The following PRKN variants were observed in gnomAD, a reference collection of about 807,000 sequenced individuals.
PRKN encodes the protein E3 ubiquitin-protein ligase parkin.
PRKN carries 56 observed loss-of-function variants against 59.5 expected under a neutral mutation model. The observed-to-expected ratio is 0.94, with a 90% CI of 0.76 to 1.18. The LOEUF (loss-of-function observed/expected upper bound fraction) is 1.18, where lower values mean the gene tolerates loss of function less well. PRKN is among the 50% of genes most tolerant of loss of function. The pLI is 0.00. For missense variants in PRKN, 657 were observed against 596.4 expected (o/e 1.10, Z -1.06); for synonymous variants, 250 against 222.1 (o/e 1.13, Z -1.12).
At chr6:161,612,718 C>CAAA (rs57084261) in intron 7 of PRKN, among the ~76,000 whole-genome samples, 66 of 59,432 alleles carry the variant, frequency 1.1e-3, no homozygotes, top group Middle Eastern at 9.3e-3. Context: ...GACTCCATCT[C>CAAA]AAAAAAAAAA....
intron 7 of PRKN, among the ~76,000 whole-genome samples, chr6:161,670,263 T>G (rs1021754325): frequency 1.3e-5 from 2 of 152,112 alleles, no homozygotes; most frequent in African/African-American, 4.8e-5. Context: ...GGGACGTGAT[T>G]AGCTTTGTGG....
chr6:162,168,556 C>CAAAAAAAAAAAA (rs771060815), intron 4 of PRKN, among the ~76,000 whole-genome samples: 1 of 47,316 alleles, frequency 2.1e-5, no homozygotes, highest in Admixed American at 3.4e-4. Flanking sequence ...ATCTGTTTTA[C>CAAAAAAAAAAAA]AAAAAAAAAA....
intron 5 of PRKN, among the ~76,000 whole-genome samples, chr6:161,999,731 G>GA (rs2128262199): frequency 6.6e-6 from 1 of 152,184 alleles, no homozygotes; most frequent in African/African-American, 2.4e-5. Context: ...ACCAAAACAT[G>GA]AATGTGGGAA....
chr6:161,948,650 A>C (rs1004515084), intron 6 of PRKN, among the ~76,000 whole-genome samples: 9 of 152,204 alleles, frequency 5.9e-5, no homozygotes, highest in Non-Finnish European at 1.3e-4. Context: ...AGTCAGCTGC[A>C]TGAAAAAATG....
At chr6:162,155,544 C>G (rs189414870) in intron 4 of PRKN, among the ~76,000 whole-genome samples, 2 of 152,028 alleles carry the variant, frequency 1.3e-5, no homozygotes, top group Non-Finnish European at 2.9e-5. Context: ...AGAACTAACA[C>G]TGAATTTCAG....
chr6:162,561,592 C>A (rs917505024), intron 1 of PRKN, among the ~76,000 whole-genome samples: 1 of 152,142 alleles, frequency 6.6e-6, no homozygotes, highest in Non-Finnish European at 1.5e-5. Flanking sequence ...AAAAAAAACC[C>A]GTCCTGAATC....
At chr6:162,677,205 T>C (rs1052472395) in intron 1 of PRKN, among the ~76,000 whole-genome samples, 3 of 150,844 alleles carry the variant, frequency 2.0e-5, no homozygotes, top group African/African-American at 7.3e-5. Context: ...AGCAGCCACA[T>C]GAAGGCATCA....
intron 5 of PRKN, among the ~76,000 whole-genome samples, chr6:162,052,053 G>A (rs1582958677): frequency 6.6e-6 from 1 of 152,202 alleles, no homozygotes; most frequent in Non-Finnish European, 1.5e-5. Flanking sequence ...GATCGGGCAC[G>A]TTCAGGGTGG....
intron 7 of PRKN, among the ~76,000 whole-genome samples, chr6:161,678,568 A>AATTT (rs562536578): frequency 1.8e-4 from 22 of 121,422 alleles, no homozygotes; most frequent in South Asian, 5.1e-4. Context: ...TTGGTGCCTG[A>AATTT]TTTTTTTTTT....
intron 2 of PRKN, among the ~76,000 whole-genome samples, chr6:162,429,022 C>A (rs1408091369): frequency 6.6e-6 from 1 of 152,160 alleles, no homozygotes; most frequent in Non-Finnish European, 1.5e-5. Flanking sequence ...TATTTTAATT[C>A]TTTCCAAGCA....
chr6:162,158,776 C>G lies in PRKN; in HGVS notation c.534+42355G>C, dbSNP rs145984377. ...CTTCCTATTCCTTTCTTTCCTCCTC[C>G]CGCCTTCATCCAACACGGTTTGTGG... is the stretch of plus-strand genomic sequence containing the variant. On this transcript the variant is annotated intron_variant, in intron 4 of 11. Coordinates refer to ENST00000366898, the MANE Select transcript of PRKN (RefSeq NM_004562.3). Among the ~76,000 whole-genome samples, 144 of 152,072 alleles carry G rather than the reference C, an allele frequency of 9.5e-4. 1 individual carries two copies. The East Asian group carries it at 0.022, about 23-fold the overall frequency.
chr6:162,461,756 G>C (rs1163751193), intron 1 of PRKN, among the ~76,000 whole-genome samples: 1 of 151,594 alleles, frequency 6.6e-6, no homozygotes, highest in Non-Finnish European at 1.5e-5. Context: ...AACTTGGGAG[G>C]TGGAGGTTGC....
chr6:161,806,753 A>AT (rs1192584842), intron 6 of PRKN, among the ~76,000 whole-genome samples: 3 of 152,232 alleles, frequency 2.0e-5, no homozygotes, highest in Non-Finnish European at 4.4e-5. Flanking sequence ...TGGTATTTGA[A>AT]TGTGCATTGG....
chr6:162,419,182 T>C (rs1418311593), intron 2 of PRKN, among the ~76,000 whole-genome samples: 1 of 152,144 alleles, frequency 6.6e-6, no homozygotes, highest in Non-Finnish European at 1.5e-5. Context: ...ACTATGTCTG[T>C]GACTTCTAGT....
intron 7 of PRKN, among the ~76,000 whole-genome samples, chr6:161,703,833 CTCTCTCTTTTTTTTTTTT>C (rs1562619646): frequency 3.1e-5 from 4 of 127,580 alleles, no homozygotes; most frequent in African/African-American, 1.3e-4. Context: ...CTCTCTCTCT[CTCTCTCTTTTTTTTTTTT>C]TTTTTTTTTT....
chr6:161,674,123 AG>A (rs1167060645), intron 7 of PRKN, among the ~76,000 whole-genome samples: 1 of 152,110 alleles, frequency 6.6e-6, no homozygotes, highest in African/African-American at 2.4e-5. Flanking sequence ...AAGGGGGAGA[AG>A]GGGTCTAAGA....
At chr6:161,994,665 C>T (rs113590705) in intron 5 of PRKN, among the ~76,000 whole-genome samples, 102 of 151,808 alleles carry the variant, frequency 6.7e-4, no homozygotes, top group African/African-American at 2.4e-3. Context: ...TTTCTCTATA[C>T]CAATAACAAA....
chr6:161,427,437 C>T (rs1788422227), intron 9 of PRKN, among the ~76,000 whole-genome samples: 1 of 152,120 alleles, frequency 6.6e-6, no homozygotes, highest in African/African-American at 2.4e-5. Flanking sequence ...TCAAGCCCAC[C>T]AGCTCGTAAA....
intron 2 of PRKN, among the ~76,000 whole-genome samples, chr6:162,413,378 A>G (rs2128155659): frequency 6.6e-6 from 1 of 152,292 alleles, no homozygotes; most frequent in South Asian, 2.1e-4. Flanking sequence ...TTGTGTAGCT[A>G]TGCAGGGGGA....
Sources: gnomAD v4.1 joint callset for allele counts (sites outside exome capture counted in the v4.1 genomes callset) on GRCh38, gnomAD v4.1.1 for gene constraint, MANE v1.5 for transcripts, NCBI Gene and HGNC (gene_info 2026-07-23, HGNC 2026-07-21) for gene names.